Variants in CECR2 observed in about 807,000 individuals in gnomAD.
The protein encoded by CECR2 is chromatin remodeling regulator CECR2.
CECR2 carries 30 observed loss-of-function variants against 154.5 expected under a neutral mutation model. The observed-to-expected ratio is 0.19, with a 90% CI of 0.15 to 0.26. The LOEUF is 0.26. CECR2 is among the 10% of genes least tolerant of loss of function. CECR2 has a pLI of 1.00. For missense variants in CECR2, 1,743 were observed against 1,829.3 expected (o/e 0.95, Z 0.86); for synonymous variants, 725 against 683.7 (o/e 1.06, Z -0.94).
chr22:17,518,766 A>G, intron 8 of CECR2: 1 of 365,344 alleles, frequency 2.7e-6, no homozygotes, highest in Non-Finnish European at 5.4e-6. Flanking sequence ...CACATTTGTC[A>G]CAAATCATAT....
At position 17,485,611 on chromosome 22, in the gene CECR2, G is replaced by A. The variant is rs189762828; in HGVS notation, c.221+7929G>A. Reference sequence around the variant, plus strand: ...TGGTGAAACCCCGGCTCTACAAAAAGTATTATACAAAAATTAGTGGGGTAC... The same window carrying A: ...TGGTGAAACCCCGGCTCTACAAAAAATATTATACAAAAATTAGTGGGGTAC... On this transcript the variant is annotated intron_variant, in intron 2 of 18. Coordinates refer to ENST00000262608, the MANE Select transcript of CECR2 (RefSeq NM_001290047.2). Among the ~76,000 whole-genome samples the A allele has an allele frequency of 5.3e-5, 8 of 152,036 alleles. No individual in the cohort carries two copies. The East Asian group carries it at 1.6e-3, about 30-fold the overall frequency.
At chr22:17,481,457 A>G (rs568399349) in intron 2 of CECR2, among the ~76,000 whole-genome samples, 1 of 152,248 alleles carries the variant, frequency 6.6e-6, no homozygotes, top group East Asian at 1.9e-4. Flanking sequence ...AAACGAAATG[A>G]TGAGTGAGAG....
upstream of CECR2, among the ~76,000 whole-genome samples, chr22:17,365,390 C>A (rs2062996781): frequency 6.6e-6 from 1 of 152,050 alleles, no homozygotes; most frequent in African/African-American, 2.4e-5. Context: ...CCCAAAGAAA[C>A]AATGTCATAA....
chr22:17,380,274 CATGT>C (rs2063171790), intron 1 of CECR2, among the ~76,000 whole-genome samples: 1 of 152,182 alleles, frequency 6.6e-6, no homozygotes, highest in South Asian at 2.1e-4. Flanking sequence ...ATAATTCTCT[CATGT>C]GTTCTTTTTT....
intron 7 of CECR2, among the ~76,000 whole-genome samples, chr22:17,509,591 GTTAATTTTTTAA>G (rs1332750992): frequency 2.6e-5 from 4 of 151,968 alleles, no homozygotes; most frequent in Admixed American, 6.6e-5. Context: ...ACCACGCCCA[GTTAATTTTTTAA>G]TTTTTTGTAG....
At chr22:17,455,570 T>C in intron 1 of CECR2, among the ~76,000 whole-genome samples, 1 of 152,238 alleles carries the variant, frequency 6.6e-6, no homozygotes, top group Non-Finnish European at 1.5e-5. Context: ...TCCATTGATG[T>C]GTATGGTGTA....
intron 16 of CECR2, among the ~76,000 whole-genome samples, chr22:17,547,264 C>T (rs960310149): frequency 3.3e-5 from 5 of 151,076 alleles, no homozygotes; most frequent in Non-Finnish European, 7.4e-5. Flanking sequence ...GAGTCTCACT[C>T]TGTCGCCCAG....
At chr22:17,373,968 A>G (rs2063089461) in intron 1 of CECR2, among the ~76,000 whole-genome samples, 1 of 152,236 alleles carries the variant, frequency 6.6e-6, no homozygotes, top group African/African-American at 2.4e-5. Context: ...TCCAAGATTT[A>G]CTACTGTTTT....
intron 1 of CECR2, among the ~76,000 whole-genome samples, chr22:17,404,624 C>T (rs892272935): frequency 2.7e-5 from 4 of 150,510 alleles, no homozygotes; most frequent in East Asian, 4.0e-4. Context: ...CCACCCGCCT[C>T]GGCCTCCCAA....
chr22:17,495,748 G>A (rs1018157013), intron 2 of CECR2, among the ~76,000 whole-genome samples: 3 of 150,266 alleles, frequency 2.0e-5, no homozygotes, highest in Non-Finnish European at 4.4e-5. Flanking sequence ...TGTAGTCCCA[G>A]CTACTCGGGA....
intron 7 of CECR2, among the ~76,000 whole-genome samples, chr22:17,507,483 C>CAT (rs1280413892): frequency 3.3e-5 from 5 of 152,116 alleles, no homozygotes; most frequent in Non-Finnish European, 5.9e-5. Context: ...TTATTGATAT[C>CAT]ATCAGTCATG....
At chr22:17,371,738 A>T (rs1171399206) in intron 1 of CECR2, among the ~76,000 whole-genome samples, 1 of 152,162 alleles carries the variant, frequency 6.6e-6, no homozygotes, top group Non-Finnish European at 1.5e-5. Flanking sequence ...TGGTGCTGGG[A>T]TTATGAGTTC....
At chr22:17,385,767 A>G (rs1471145291) in intron 1 of CECR2, among the ~76,000 whole-genome samples, 1 of 152,222 alleles carries the variant, frequency 6.6e-6, no homozygotes, top group African/African-American at 2.4e-5. Context: ...AAGAAATGCA[A>G]TATCTGCACG....
intron 16 of CECR2, 40 bp from the exon 17 acceptor site, chr22:17,548,105 GCTA>G: frequency 6.9e-7 from 1 of 1,457,544 alleles, no homozygotes; most frequent in Non-Finnish European, 9.2e-7. Context: ...TGTCATTTCA[GCTA>G]CTGAGTTATT....
chr22:17,508,009 T>G (rs1023467029), intron 7 of CECR2, among the ~76,000 whole-genome samples: 12 of 152,208 alleles, frequency 7.9e-5, no homozygotes, highest in African/African-American at 2.4e-4. Flanking sequence ...TGGAAGCTAC[T>G]CTGTTCGTTC....
At chr22:17,491,033 C>G (rs756608384) in intron 2 of CECR2, among the ~76,000 whole-genome samples, 1 of 151,080 alleles carries the variant, frequency 6.6e-6, no homozygotes, top group Non-Finnish European at 1.5e-5. Flanking sequence ...AAGTTTTAAC[C>G]ATGTTGTAGC....
At chr22:17,525,281 A>G (rs1179808270) in intron 9 of CECR2, among the ~76,000 whole-genome samples, 2 of 69,672 alleles carry the variant, frequency 2.9e-5, no homozygotes, top group African/African-American at 1.3e-4. Flanking sequence ...GTGAAACTCC[A>G]TCTCCAAAAA....
chr22:17,388,164 G>C lies in CECR2; in HGVS notation c.126+18255G>C, dbSNP rs573835364. Among the ~76,000 whole-genome samples the C allele has an allele frequency of 2.6e-5, 4 of 152,216 alleles. No homozygotes were observed. The East Asian group carries it at 7.7e-4, about 29-fold the overall frequency. ...GAGACGGGTTTCACCAAGTTGGCCAGGCTGGTCTCAAACTCCTGACCTCAG... is the reference window on the plus strand; with the variant it reads ...GAGACGGGTTTCACCAAGTTGGCCACGCTGGTCTCAAACTCCTGACCTCAG... On this transcript the variant is annotated intron_variant, in intron 1 of 18. Transcript: ENST00000262608.
rs150862024 is a variant in CECR2 at position 17,471,698 on chromosome 22, G to T, written c.127-5890G>T. ...TTACAGGCACCCGCCACCACTCCTG[G>T]CTAATATTTGCATTTTAGTAGAGAC... On this transcript the variant is annotated intron_variant, in intron 1 of 18. Transcript: ENST00000262608. Among the ~76,000 whole-genome samples the T allele has an allele frequency of 9.3e-3, 1,410 of 152,038 alleles. 22 individuals carry two copies. The highest frequency in any genetic ancestry group is 0.032 in the African/African-American group (1,341 of 41,452).
Sources: gnomAD v4.1 joint callset for allele counts (sites outside exome capture counted in the v4.1 genomes callset) on GRCh38, gnomAD v4.1.1 for gene constraint, MANE v1.5 for transcripts, NCBI Gene and HGNC (gene_info 2026-07-23, HGNC 2026-07-21) for gene names.